Variants in INSYN2B observed in about 807,000 individuals in gnomAD.
INSYN2B encodes inhibitory synaptic factor family member 2B.
In INSYN2B, 16 loss-of-function variants were observed where a neutral mutation model predicts 41.2. The ratio of observed to expected loss-of-function variants is 0.39; its 90% CI spans 0.26 to 0.59. The LOEUF is 0.59. INSYN2B is among the 20% of genes least tolerant of loss of function. The pLI, the probability that INSYN2B is intolerant of heterozygous loss-of-function variation, is 0.57. For synonymous variants in INSYN2B, 245 were observed against 244.4 expected (o/e 1.00, Z -0.02); for missense variants, 608 against 646.4 (o/e 0.94, Z 0.64).
intron 1 of INSYN2B, among the ~76,000 whole-genome samples, chr5:169,936,702 G>A (rs1042462542): frequency 6.6e-6 from 1 of 151,654 alleles, no homozygotes; most frequent in Non-Finnish European, 1.5e-5. Flanking sequence ...CTCCTGGGGG[G>A]CGCGCTCCAG....
intron 3 of INSYN2B, among the ~76,000 whole-genome samples, chr5:169,877,193 G>A (rs965136702): frequency 2.0e-5 from 3 of 152,214 alleles, no homozygotes; most frequent in African/African-American, 7.2e-5. Context: ...ACCACCAGCT[G>A]AGCACCTAGT....
chr5:169,902,729 A>G (rs1171398411), intron 1 of INSYN2B, among the ~76,000 whole-genome samples: 4 of 152,114 alleles, frequency 2.6e-5, no homozygotes, highest in African/African-American at 9.7e-5. Context: ...TCTGCAGAAA[A>G]TGGGTTGGGT....
At chr5:169,959,176 A>G (rs1340595394) in intron 1 of INSYN2B, among the ~76,000 whole-genome samples, 1 of 152,096 alleles carries the variant, frequency 6.6e-6, no homozygotes, top group Non-Finnish European at 1.5e-5. Flanking sequence ...GCGGATCATG[A>G]GGTCAGGACA....
intron 1 of INSYN2B, among the ~76,000 whole-genome samples, chr5:169,907,378 T>A (rs953258080): frequency 6.6e-6 from 1 of 152,224 alleles, no homozygotes; most frequent in Non-Finnish European, 1.5e-5. Flanking sequence ...CTCTGGCCAG[T>A]TCTAGTCTAG....
chr5:169,970,980 G>C (rs1777481602), intron 1 of INSYN2B, among the ~76,000 whole-genome samples: 1 of 152,088 alleles, frequency 6.6e-6, no homozygotes, highest in Admixed American at 6.5e-5. Flanking sequence ...TCCAAGACAG[G>C]GGAGGGTGGG....
chr5:169,938,961 T>G lies in INSYN2B; in HGVS notation c.-919+41316A>C, dbSNP rs543994104. ...CTCTGTCGCCCAGGCTGGAGTACAG[T>G]GGCGTGATCTCGGCTCACTGCAAGC... On this transcript the variant is annotated intron_variant, in intron 1 of 3. Coordinates refer to ENST00000377365, the MANE Select transcript of INSYN2B (RefSeq NM_001129891.3). 1.5e-3 allele frequency among the ~76,000 whole-genome samples: 232 copies of G among 150,504 alleles called. 4 individuals carry two copies. In the South Asian group the frequency reaches 0.042, roughly 27 times the overall value.
chr5:169,904,730 T>C (rs1774173868), intron 1 of INSYN2B, among the ~76,000 whole-genome samples: 1 of 152,218 alleles, frequency 6.6e-6, no homozygotes, highest in African/African-American at 2.4e-5. Flanking sequence ...TCAGCGAGCA[T>C]TAACTGTATT....
At chr5:169,940,109 G>A (rs1191107892) in intron 1 of INSYN2B, among the ~76,000 whole-genome samples, 1 of 152,130 alleles carries the variant, frequency 6.6e-6, no homozygotes, top group East Asian at 1.9e-4. Flanking sequence ...AGGGTCCCAT[G>A]GTCCCCTCCG....
At chr5:169,972,945 G>T (rs1777577370) in intron 1 of INSYN2B, among the ~76,000 whole-genome samples, 1 of 152,148 alleles carries the variant, frequency 6.6e-6, no homozygotes, top group Non-Finnish European at 1.5e-5. Context: ...TAGTACCTGA[G>T]TGTGCTGTGA....
intron 1 of INSYN2B, among the ~76,000 whole-genome samples, chr5:169,966,888 CGAAA>C (rs1777320082): frequency 1.3e-5 from 2 of 152,302 alleles, no homozygotes; most frequent in African/African-American, 4.8e-5. Flanking sequence ...ACCTATTCAA[CGAAA>C]GAGAGCCCTT....
At chr5:169,921,822 T>C (rs1775191419) in intron 1 of INSYN2B, among the ~76,000 whole-genome samples, 1 of 152,208 alleles carries the variant, frequency 6.6e-6, no homozygotes, top group African/African-American at 2.4e-5. Flanking sequence ...AATCGAACTT[T>C]TAAGTTTCTC....
chr5:169,894,921 G>A (rs143069755), intron 1 of INSYN2B, among the ~76,000 whole-genome samples: 12 of 152,286 alleles, frequency 7.9e-5, no homozygotes, highest in South Asian at 4.1e-4. Flanking sequence ...CAAATGTCCC[G>A]TCTGCTGGTT....
chr5:169,884,046 C>A lies in INSYN2B; in HGVS notation c.-148G>T. ...GTCCTCTCCTCTTAGTATGGGAAAT[C>A]CTGTTGGCCATTCCCAGCCTCTAGA... On this transcript the variant is annotated 5_prime_UTR_variant, in exon 2 of 4. Coordinates refer to ENST00000377365, the MANE Select transcript of INSYN2B (RefSeq NM_001129891.3). 1.5e-6 allele frequency: 1 copy of A among 650,106 alleles called. No homozygotes were observed. The allele number at this position is 650,106 out of a possible 1,614,324, so 40.3% of individuals were successfully genotyped here.
intron 1 of INSYN2B, among the ~76,000 whole-genome samples, chr5:169,929,460 G>A (rs1157209750): frequency 2.0e-5 from 3 of 152,140 alleles, no homozygotes; most frequent in Non-Finnish European, 4.4e-5. Flanking sequence ...CCTGTGGCCA[G>A]GTGTGGTGGC....
At chr5:169,867,590 C>T (rs887010466) in intron 3 of INSYN2B, among the ~76,000 whole-genome samples, 2 of 151,740 alleles carry the variant, frequency 1.3e-5, no homozygotes, top group Non-Finnish European at 2.9e-5. Flanking sequence ...TGTCATCTAT[C>T]GTTATCTATC....
At chr5:169,966,919 A>G (rs1777321365) in intron 1 of INSYN2B, among the ~76,000 whole-genome samples, 1 of 152,218 alleles carries the variant, frequency 6.6e-6, no homozygotes, top group South Asian at 2.1e-4. Flanking sequence ...TCCATGCGCC[A>G]TCAAATTAGA....
intron 3 of INSYN2B, among the ~76,000 whole-genome samples, chr5:169,880,099 A>G (rs1447533557): frequency 6.6e-6 from 1 of 152,224 alleles, no homozygotes; most frequent in African/African-American, 2.4e-5. Flanking sequence ...AAAGAGAGCA[A>G]TTGATGAAAC....
At chr5:169,864,979 G>A (rs1271720087) in intron 3 of INSYN2B, among the ~76,000 whole-genome samples, 1 of 152,132 alleles carries the variant, frequency 6.6e-6, no homozygotes. Context: ...TAAGTCCTCC[G>A]TATGTGTTAG....
intron 1 of INSYN2B, among the ~76,000 whole-genome samples, chr5:169,958,346 G>A (rs1360772893): frequency 1.3e-5 from 2 of 152,048 alleles, no homozygotes; most frequent in African/African-American, 4.8e-5. Flanking sequence ...GGGTTTCTGG[G>A]GACAGTGAAA....
Sources: gnomAD v4.1 joint callset for allele counts (sites outside exome capture counted in the v4.1 genomes callset) on GRCh38, gnomAD v4.1.1 for gene constraint, MANE v1.5 for transcripts, NCBI Gene and HGNC (gene_info 2026-07-23, HGNC 2026-07-21) for gene names.